The following GRID2 variants were observed in gnomAD, a reference collection of about 807,000 sequenced individuals.
The protein encoded by GRID2 is glutamate receptor ionotropic, delta-2.
A neutral mutation model predicts 114.8 loss-of-function variants in GRID2; 33 were observed. The ratio of observed to expected loss-of-function variants is 0.29; its 90% CI spans 0.22 to 0.38. The LOEUF is 0.38. Among genes scored for constraint, GRID2 ranks in the 10% least tolerant of loss-of-function variants. The pLI, the probability that GRID2 is intolerant of heterozygous loss-of-function variation, is 1.00. For missense variants in GRID2, 1,184 were observed against 1,257.7 expected (o/e 0.94, Z 0.89); for synonymous variants, 505 against 449.9 (o/e 1.12, Z -1.55).
chr4:92,923,099 C>G (rs897501023), intron 2 of GRID2, among the ~76,000 whole-genome samples: 1 of 152,164 alleles, frequency 6.6e-6, no homozygotes, highest in African/African-American at 2.4e-5. Context: ...TTCTACCATG[C>G]ATCATTTAAA....
intron 1 of GRID2, among the ~76,000 whole-genome samples, chr4:93,796,729 TTAG>T (rs1439309111): frequency 6.6e-6 from 1 of 152,146 alleles, no homozygotes; most frequent in Non-Finnish European, 1.5e-5. Context: ...AATATTATTT[TTAG>T]TAGAGATGGG....
At chr4:93,699,285 T>G (rs1042179334) in intron 14 of GRID2, among the ~76,000 whole-genome samples, 2 of 152,170 alleles carry the variant, frequency 1.3e-5, no homozygotes, top group Admixed American at 6.6e-5. Context: ...CAGATACAAT[T>G]AGACCATGTC....
intron 2 of GRID2, among the ~76,000 whole-genome samples, chr4:92,661,004 A>G (rs112605295): frequency 1.3e-5 from 2 of 151,078 alleles, no homozygotes; most frequent in East Asian, 1.9e-4. Context: ...TCTGAGATAA[A>G]AATATTTCTA....
At chr4:93,411,806 C>G (rs909660476) in intron 9 of GRID2, among the ~76,000 whole-genome samples, 5 of 151,920 alleles carry the variant, frequency 3.3e-5, no homozygotes, top group African/African-American at 1.2e-4. Flanking sequence ...ACAGCTGCCT[C>G]AAATGTCTAT....
intron 13 of GRID2, among the ~76,000 whole-genome samples, chr4:93,587,640 T>C (rs921466739): frequency 3.0e-4 from 45 of 152,148 alleles, no homozygotes; most frequent in Admixed American, 2.6e-3. Flanking sequence ...TCAATATTTC[T>C]TGTACTTTCT....
intron 1 of GRID2, among the ~76,000 whole-genome samples, chr4:92,382,456 A>T (rs1729666071): frequency 6.6e-6 from 1 of 152,010 alleles, no homozygotes; most frequent in African/African-American, 2.4e-5. Context: ...TTCTTGTTCG[A>T]TATTTTACAT....
chr4:92,980,163 C>A (rs1390212932), intron 2 of GRID2, among the ~76,000 whole-genome samples: 1 of 152,006 alleles, frequency 6.6e-6, no homozygotes, highest in Non-Finnish European at 1.5e-5. Flanking sequence ...CAATTTTTGA[C>A]TATTTTATCT....
chr4:92,368,232 C>A (rs915812420), intron 1 of GRID2, among the ~76,000 whole-genome samples: 6 of 151,944 alleles, frequency 3.9e-5, no homozygotes, highest in Admixed American at 1.3e-4. Context: ...AAGAGGCTAA[C>A]CAGCAGTCTA....
At chr4:92,506,963 T>C (rs1291411316) in intron 1 of GRID2, among the ~76,000 whole-genome samples, 1 of 151,978 alleles carries the variant, frequency 6.6e-6, no homozygotes, top group Non-Finnish European at 1.5e-5. Flanking sequence ...CTTCTACTGC[T>C]AAATGGATTA....
At chr4:93,133,960 G>A (rs1735021729) in intron 4 of GRID2, among the ~76,000 whole-genome samples, 1 of 152,106 alleles carries the variant, frequency 6.6e-6, no homozygotes, top group Non-Finnish European at 1.5e-5. Context: ...CATAGCAACT[G>A]AAAAAGAAGA....
Position 93,109,966 on chromosome 4 carries a change from T to TGA in GRID2, c.530-782_530-781insGA, listed in dbSNP as rs376119215. On this transcript the variant is annotated intron_variant, in intron 3 of 15. Coordinates refer to ENST00000282020, the MANE Select transcript of GRID2 (RefSeq NM_001510.4). ...AAGTGTGACGTGGACACTGGACATTTTAATTTGATAAATTTCTAGAACTTT... is the reference window on the plus strand; with the variant it reads ...AAGTGTGACGTGGACACTGGACATTTGATAATTTGATAAATTTCTAGAACTTT... 3.9e-3 allele frequency among the ~76,000 whole-genome samples: 591 copies of TGA among 152,302 alleles called. 6 individuals are homozygous for TGA. The highest frequency in any genetic ancestry group is 0.014 in the African/African-American group (573 of 41,588).
intron 2 of GRID2, among the ~76,000 whole-genome samples, chr4:92,936,051 A>C (rs538971532): frequency 3.4e-5 from 5 of 146,466 alleles, no homozygotes; most frequent in Non-Finnish European, 6.0e-5. Context: ...TAAAATAAAA[A>C]AAAGAAATTT....
At chr4:92,625,756 C>G (rs1165415800) in intron 2 of GRID2, among the ~76,000 whole-genome samples, 2 of 151,894 alleles carry the variant, frequency 1.3e-5, no homozygotes, top group East Asian at 1.9e-4. Context: ...GATTCTTATG[C>G]TAGCCTATAT....
intron 4 of GRID2, among the ~76,000 whole-genome samples, chr4:93,158,891 A>G (rs1339321830): frequency 6.6e-6 from 1 of 151,694 alleles, no homozygotes; most frequent in African/African-American, 2.4e-5. Flanking sequence ...TAACAGTGCT[A>G]TTAAGTTGAG....
chr4:93,528,083 GTATGTGTATA>G lies in GRID2; in HGVS notation c.2193+12700_2193+12709del, dbSNP rs538494006. Among the ~76,000 whole-genome samples the G allele has an allele frequency of 2.7e-3, 415 of 151,862 alleles. 1 individual carries two copies. Among genetic ancestry groups the G allele is most frequent in the African/African-American group, 8.5e-3 (352 of 41,388 alleles). ...AAATAATATTCTGTTGTGTATATGT[GTATGTGTATA>G]TATGTGTATATATGTGTATATATGT... On this transcript the variant is annotated intron_variant, in intron 13 of 15. Coordinates refer to ENST00000282020, the MANE Select transcript of GRID2 (RefSeq NM_001510.4).
chr4:93,392,151 TA>T (rs2149325078), intron 8 of GRID2, among the ~76,000 whole-genome samples: 1 of 152,278 alleles, frequency 6.6e-6, no homozygotes, highest in South Asian at 2.1e-4. Context: ...GGGCCATCTT[TA>T]TTGTTTTTTA....
intron 14 of GRID2, among the ~76,000 whole-genome samples, chr4:93,689,337 AAT>A (rs371164322): frequency 6.6e-6 from 1 of 152,090 alleles, no homozygotes; most frequent in African/African-American, 2.4e-5. Context: ...CATGGGTGTC[AAT>A]ATGTTGAATT....
intron 14 of GRID2, among the ~76,000 whole-genome samples, chr4:93,652,306 C>A (rs982159061): frequency 1.3e-5 from 2 of 151,972 alleles, no homozygotes; most frequent in Non-Finnish European, 2.9e-5. Context: ...CCTGCCAGCA[C>A]CTTGATCTCA....
chr4:93,177,005 G>T (rs1166333728), intron 4 of GRID2, among the ~76,000 whole-genome samples: 2 of 152,116 alleles, frequency 1.3e-5, no homozygotes, highest in Non-Finnish European at 2.9e-5. Flanking sequence ...ATACAAGTAT[G>T]TAAGTTCTCC....
Sources: gnomAD v4.1 joint callset for allele counts (sites outside exome capture counted in the v4.1 genomes callset) on GRCh38, gnomAD v4.1.1 for gene constraint, MANE v1.5 for transcripts, NCBI Gene and HGNC (gene_info 2026-07-23, HGNC 2026-07-21) for gene names.